CEP128: variants seen among roughly 807,000 people sequenced by gnomAD.
CEP128 encodes centrosomal protein 128.
In CEP128, 132 loss-of-function variants were observed where a neutral mutation model predicts 156.7. That is an observed-to-expected ratio of 0.84 (90% CI 0.73 to 0.97). The LOEUF is 0.97. Among genes scored for constraint, CEP128 ranks in the 50% least tolerant of loss-of-function variants. The probability of loss-of-function intolerance (pLI) is 0.00; values close to 1 mark genes in which losing one functional copy is unlikely to be tolerated. For missense variants in CEP128, 1,252 were observed against 1,281.9 expected (o/e 0.98, Z 0.36); for synonymous variants, 469 against 448.9 (o/e 1.04, Z -0.57).
intron 19 of CEP128, among the ~76,000 whole-genome samples, chr14:80,603,644 A>T (rs1423711855): frequency 6.6e-6 from 1 of 152,212 alleles, no homozygotes; most frequent in African/African-American, 2.4e-5. Flanking sequence ...GACACAATTA[A>T]TAGCAATCTC....
chr14:80,895,798 G>GAAGA lies in CEP128; in HGVS notation c.573-9_573-8insTCTT. 7.1e-6 allele frequency: 9 copies of GAAGA among 1,262,702 alleles called. No individual in the cohort carries two copies. The highest frequency in any genetic ancestry group is 9.3e-6 in the Non-Finnish European group (9 of 962,914). 78.2% of individuals were successfully genotyped at this position (1,262,702 alleles called of 1,614,324 possible). On this transcript the variant is annotated splice_polypyrimidine_tract_variant and intron_variant, in intron 7 of 24. Coordinates refer to ENST00000555265, the MANE Select transcript of CEP128 (RefSeq NM_152446.5). ...TTTGTTTCGGCATCTGACCTAGGAA[G>GAAGA]AAAAAAAAAAAAAAGATTTAAATTT...
chr14:80,524,804 A>C (rs1449113268), intron 23 of CEP128, among the ~76,000 whole-genome samples: 2 of 152,184 alleles, frequency 1.3e-5, no homozygotes, highest in Admixed American at 1.3e-4. Context: ...ATGTGGAACA[A>C]CACCATCATA....
intron 19 of CEP128, among the ~76,000 whole-genome samples, chr14:80,741,146 T>C (rs1379592505): frequency 6.6e-6 from 1 of 152,126 alleles, no homozygotes; most frequent in African/African-American, 2.4e-5. Context: ...ACTATTTCAG[T>C]TTCAGGAAAA....
intron 16 of CEP128, among the ~76,000 whole-genome samples, chr14:80,775,132 G>A (rs907230747): frequency 2.0e-5 from 3 of 152,132 alleles, no homozygotes; most frequent in Non-Finnish European, 4.4e-5. Context: ...CAGATACCAT[G>A]CCAAGCACTT....
At chr14:80,543,494 A>C (rs543701695) in intron 21 of CEP128, among the ~76,000 whole-genome samples, 1 of 152,244 alleles carries the variant, frequency 6.6e-6, no homozygotes, top group African/African-American at 2.4e-5. Flanking sequence ...CTGAACAAAA[A>C]GTATTAAGAG....
At chr14:80,739,778 G>A (rs968994230) in intron 19 of CEP128, among the ~76,000 whole-genome samples, 9 of 151,968 alleles carry the variant, frequency 5.9e-5, no homozygotes, top group East Asian at 3.8e-4. Flanking sequence ...AGAGGATACC[G>A]TCACGAAATG....
chr14:80,559,340 G>T (rs1253724004), intron 20 of CEP128, 38 bp from the exon 21 acceptor site: 1 of 1,538,512 alleles, frequency 6.5e-7, no homozygotes, highest in South Asian at 1.2e-5. Context: ...TAAAACGAAG[G>T]CTGTTTAAAA....
At chr14:80,603,505 C>A (rs1892660108) in intron 19 of CEP128, among the ~76,000 whole-genome samples, 2 of 152,262 alleles carry the variant, frequency 1.3e-5, no homozygotes, top group South Asian at 4.1e-4. Context: ...AATCCTATCC[C>A]AGTTTATTTA....
At chr14:80,795,643 A>G (rs1595411698) in intron 13 of CEP128, among the ~76,000 whole-genome samples, 1 of 152,100 alleles carries the variant, frequency 6.6e-6, no homozygotes, top group Non-Finnish European at 1.5e-5. Context: ...AGTCTTCCAC[A>G]TGCCTCAACC....
At chr14:80,508,468 T>G (rs1241254902) in intron 23 of CEP128, among the ~76,000 whole-genome samples, 1 of 152,188 alleles carries the variant, frequency 6.6e-6, no homozygotes, top group African/African-American at 2.4e-5. Flanking sequence ...CATGGGAATT[T>G]TCTCTATCAT....
At chr14:80,837,865 G>A (rs1371210088) in intron 11 of CEP128, among the ~76,000 whole-genome samples, 1 of 152,148 alleles carries the variant, frequency 6.6e-6, no homozygotes, top group Non-Finnish European at 1.5e-5. Context: ...TTACTTCCCA[G>A]TGCCTCCTGG....
At chr14:80,694,004 A>G (rs904723475) in intron 19 of CEP128, among the ~76,000 whole-genome samples, 1 of 152,222 alleles carries the variant, frequency 6.6e-6, no homozygotes, top group Non-Finnish European at 1.5e-5. Context: ...TTTTCCGTCA[A>G]AAGTGTTTTA....
Position 80,792,984 on chromosome 14 carries a change from CT to C in CEP128, c.1335del (p.Glu446SerfsTer2). 6.2e-7 allele frequency: 1 copy of C among 1,614,174 alleles called. No homozygotes were observed. Among genetic ancestry groups the C allele is most frequent in the Middle Eastern group, 1.6e-4 (1 of 6,062 alleles). On this transcript the variant is annotated frameshift_variant, in exon 14 of 25. Coordinates refer to ENST00000555265, the MANE Select transcript of CEP128 (RefSeq NM_152446.5). LOFTEE classifies it high-confidence loss of function. The part of the protein sequence containing the change: ...AERKHADLQI[S>X]ELTRHAEDAT... ...GCATCCTCCGCATGGCGAGTCAGCT[CT>C]GAGATCTGAAGGTCAGCATGCTTAC...
At chr14:80,785,625 A>G (rs1901367765) in intron 14 of CEP128, 80 bp from the exon 15 acceptor site, 1 of 1,009,236 alleles carries the variant, frequency 9.9e-7, no homozygotes, top group Non-Finnish European at 1.4e-6. Context: ...CAGTCAGCAA[A>G]ACAATGTTTA....
chr14:80,708,303 T>C (rs898487133), intron 19 of CEP128, among the ~76,000 whole-genome samples: 5 of 152,196 alleles, frequency 3.3e-5, no homozygotes, highest in East Asian at 1.9e-4. Flanking sequence ...TTTCAGAGGA[T>C]TGTACCATTT....
chr14:80,569,468 G>A (rs1256652734), intron 20 of CEP128, among the ~76,000 whole-genome samples: 2 of 152,264 alleles, frequency 1.3e-5, no homozygotes, highest in African/African-American at 2.4e-5. Context: ...GGCAGTTTTC[G>A]CCGGTAATGA....
At chr14:80,842,546 C>T (rs960013390) in intron 9 of CEP128, among the ~76,000 whole-genome samples, 3 of 151,864 alleles carry the variant, frequency 2.0e-5, no homozygotes, top group African/African-American at 7.3e-5. Context: ...ACAGATAATA[C>T]TCAAAGAGAG....
intron 16 of CEP128, among the ~76,000 whole-genome samples, chr14:80,771,284 G>T (rs1413947245): frequency 6.6e-6 from 1 of 152,110 alleles, no homozygotes; most frequent in East Asian, 1.9e-4. Flanking sequence ...GAGTCATTTT[G>T]CTGGCAATAA....
intron 13 of CEP128, among the ~76,000 whole-genome samples, chr14:80,801,059 G>A (rs1883814685): frequency 6.6e-6 from 1 of 152,202 alleles, no homozygotes; most frequent in South Asian, 2.1e-4. Flanking sequence ...GGCTGATTAT[G>A]ACAAGTAATA....
Sources: allele counts gnomAD v4.1 joint callset (sites outside exome capture counted in the v4.1 genomes callset), GRCh38; gene constraint gnomAD v4.1.1; transcripts MANE v1.5; gene names NCBI Gene and HGNC (gene_info 2026-07-23, HGNC 2026-07-21).